SYNE1: variants seen among roughly 807,000 people sequenced by gnomAD.
SYNE1 encodes the protein spectrin repeat containing nuclear envelope protein 1, also known as nesprin-1.
A neutral mutation model predicts 1,111.0 loss-of-function variants in SYNE1; 616 were observed. That is an observed-to-expected ratio of 0.55 (90% CI 0.52 to 0.59). SYNE1 has a LOEUF of 0.59. Among genes scored for constraint, SYNE1 ranks in the 20% least tolerant of loss-of-function variants. SYNE1 has a pLI of 0.00. For missense variants in SYNE1, 10,006 were observed against 10,417.0 expected (o/e 0.96, Z 1.72); for synonymous variants, 3,855 against 3,825.8 (o/e 1.01, Z -0.28).
intron 127 of SYNE1, among the ~76,000 whole-genome samples, chr6:152,191,217 T>C (rs150072369): frequency 0.013 from 1,908 of 146,152 alleles, 22 homozygotes; most frequent in Admixed American, 0.024. Context: ...ATCAGAGATA[T>C]TGTTCTATAA....
intron 39 of SYNE1, among the ~76,000 whole-genome samples, chr6:152,422,672 T>C (rs1347360990): frequency 6.6e-6 from 1 of 152,122 alleles, no homozygotes; most frequent in Non-Finnish European, 1.5e-5. Flanking sequence ...CTGGATACTT[T>C]TTTGAAAAAA....
In SYNE1 at chr6:152,590,663, T is replaced by G. The variant is rs570429179; in HGVS notation, c.67+37602A>C. ...TGTCACTGATCACTAATAAACATCCTTTGTCCCATCTAAACTGAGTTATAG... is the reference window on the plus strand; with the variant it reads ...TGTCACTGATCACTAATAAACATCCGTTGTCCCATCTAAACTGAGTTATAG... On this transcript the variant is annotated intron_variant, in intron 3 of 145. Coordinates refer to ENST00000367255, the MANE Select transcript of SYNE1 (RefSeq NM_182961.4). Among the ~76,000 whole-genome samples, 9 of 152,254 alleles carry G rather than the reference T, an allele frequency of 5.9e-5. 1 individual carries two copies. The highest frequency in any genetic ancestry group is 2.2e-4 in the African/African-American group (9 of 41,554).
chr6:152,233,877 C>T lies in SYNE1; in HGVS notation c.20616G>A (p.Val6872=). ...TGNQLLRLKK[V]DTATLRSELS... is the part of the protein sequence containing the mutation. ...GCTCAGAGCGCAGCGTGGCTGTGTC[C>T]ACCTTTTTTAGTCGAAGGAGCTGAT... is the stretch of plus-strand genomic sequence containing the variant. Residue 6872 remains valine (V), a synonymous_variant, in exon 112 of 146, where the codon GTG becomes GTA. Transcript: ENST00000367255. 6.2e-7 allele frequency: 1 copy of T among 1,614,192 alleles called. No homozygotes were observed. Among genetic ancestry groups the T allele is most frequent in the African/African-American group, 1.3e-5 (1 of 75,056 alleles).
At chr6:152,430,041 A>G in intron 36 of SYNE1, 71 bp downstream of exon 36, 3 of 1,078,298 alleles carry the variant, frequency 2.8e-6, no homozygotes. Flanking sequence ...AGTTTACTGT[A>G]TTTTCTTTTC....
At chr6:152,212,566 TG>T (rs1259489246) in intron 123 of SYNE1, among the ~76,000 whole-genome samples, 1 of 152,212 alleles carries the variant, frequency 6.6e-6, no homozygotes, top group Non-Finnish European at 1.5e-5. Context: ...TTGGCTATTA[TG>T]ACTAATGCTC....
chr6:152,361,283 A>G (rs1327232405), intron 64 of SYNE1, among the ~76,000 whole-genome samples: 1 of 152,234 alleles, frequency 6.6e-6, no homozygotes, highest in Non-Finnish European at 1.5e-5. Flanking sequence ...GTTTATTTCC[A>G]TTCTTACAAA....
intron 127 of SYNE1, among the ~76,000 whole-genome samples, chr6:152,190,955 T>A (rs2072096587): frequency 6.6e-6 from 1 of 152,248 alleles, no homozygotes; most frequent in South Asian, 2.1e-4. Flanking sequence ...GTTTCTTCTA[T>A]GCTCAGTTTT....
At chr6:152,243,093 T>C (rs1016956738) in intron 106 of SYNE1, among the ~76,000 whole-genome samples, 8 of 152,222 alleles carry the variant, frequency 5.3e-5, no homozygotes, top group Non-Finnish European at 1.2e-4. Flanking sequence ...ATTTGACAAC[T>C]GTTTTCTCAG....
chr6:152,424,760 C>T (rs946743925), intron 39 of SYNE1, among the ~76,000 whole-genome samples: 2 of 152,200 alleles, frequency 1.3e-5, no homozygotes, highest in African/African-American at 2.4e-5. Flanking sequence ...GTATGCTACT[C>T]ATTGTGGAAA....
chr6:152,191,265 G>A (rs1425939667), intron 127 of SYNE1, among the ~76,000 whole-genome samples: 2 of 143,644 alleles, frequency 1.4e-5, no homozygotes, highest in Admixed American at 6.9e-5. Flanking sequence ...GTCTTTGTCT[G>A]GTTTTGTTAG....
chr6:152,486,026 C>T (rs2098937383), intron 12 of SYNE1, among the ~76,000 whole-genome samples: 1 of 151,962 alleles, frequency 6.6e-6, no homozygotes, highest in Non-Finnish European at 1.5e-5. Flanking sequence ...GAAAGCCCGT[C>T]GCCATTAAAA....
At chr6:152,177,897 A>G (rs1242782916) in intron 129 of SYNE1, among the ~76,000 whole-genome samples, 1 of 152,090 alleles carries the variant, frequency 6.6e-6, no homozygotes, top group Admixed American at 6.5e-5. Flanking sequence ...AATTTTTTTT[A>G]TGAATGGCCT....
At position 152,353,292 on chromosome 6, in the gene SYNE1, T is replaced by C. The variant is rs770162462; in HGVS notation, c.11224A>G (p.Met3742Val). The change falls in exon 69 of 146, where the codon ATG becomes GTG. Residue 3742 changes from methionine to valine, a missense_variant. Physicochemically the swap from Met to Val is conservative, Grantham distance 21 (BLOSUM62 1). This residue lies in a region of SYNE1 where 4,955 missense variants were observed against 5,017.2 expected (regional missense o/e 0.99). Transcript: ENST00000367255. ...AACGTCTTCAATTTCTTCCCCATCA[T>C]TACTGTATCTACTTTGTCAATCTTG... ...ATKIDKVDTV[M>V]MGKKLKTLEV... The C allele has an allele frequency of 1.9e-6, 3 of 1,614,202 alleles. No individual in the cohort carries two copies. The South Asian group carries it at 3.3e-5, about 18-fold the overall frequency.
chr6:152,547,142 C>T (rs75655791), intron 3 of SYNE1, among the ~76,000 whole-genome samples: 4,598 of 152,298 alleles, frequency 0.03, 255 homozygotes, highest in African/African-American at 0.1. Flanking sequence ...ACACCCAACT[C>T]ACTCACAGAA....
At position 152,132,155 on chromosome 6, in the gene SYNE1, T is replaced by C; in HGVS notation, c.26061A>G (p.Thr8687=). The C allele has an allele frequency of 1.2e-6, 2 of 1,614,116 alleles. No homozygotes were observed. Among genetic ancestry groups the C allele is most frequent in the South Asian group, 2.2e-5 (2 of 91,074 alleles). Residue 8687 remains threonine (T), a synonymous_variant, in exon 144 of 146, where the codon ACA becomes ACG. Transcript: ENST00000367255. ...GTCTGTTTGGGGTGCTCCTTCCTGA[T>C]GTGGGACTCACAGACCCTGAGGTGT... The part of the protein sequence containing the change: ...ELDTSGSVSP[T]SGRSTPNRQK...
intron 21 of SYNE1, 66 bp downstream of exon 21, chr6:152,461,531 G>A (rs2098734037): frequency 3.7e-6 from 6 of 1,603,584 alleles, no homozygotes; most frequent in African/African-American, 1.3e-5. Context: ...GGAGAAGGAG[G>A]TAGCAAGCAA....
intron 115 of SYNE1, among the ~76,000 whole-genome samples, chr6:152,227,027 C>T (rs956845182): frequency 6.6e-6 from 1 of 152,142 alleles, no homozygotes; most frequent in African/African-American, 2.4e-5. Flanking sequence ...TTTCACCCCC[C>T]TCATGATCCA....
chr6:152,355,989 A>C (rs2096830266), intron 66 of SYNE1, among the ~76,000 whole-genome samples: 1 of 152,210 alleles, frequency 6.6e-6, no homozygotes, highest in Admixed American at 6.5e-5. Flanking sequence ...AGAACTATAG[A>C]TATACATGGT....
At chr6:152,218,463 T>A in intron 120 of SYNE1, 60 bp from the exon 121 acceptor site, 5 of 1,576,212 alleles carry the variant, frequency 3.2e-6, no homozygotes, top group Non-Finnish European at 4.4e-6. Context: ...GGTATTTTAA[T>A]AAAGTCTGGT....
Sources: allele counts gnomAD v4.1 joint callset (sites outside exome capture counted in the v4.1 genomes callset), GRCh38; gene constraint gnomAD v4.1.1; regional missense constraint gnomAD v4.1.1; transcripts MANE v1.5; gene names NCBI Gene and HGNC (gene_info 2026-07-23, HGNC 2026-07-21).